The following TENM4 variants were observed in gnomAD, a reference collection of about 807,000 sequenced individuals.
TENM4 encodes the protein teneurin transmembrane protein 4.
A neutral mutation model predicts 243.3 loss-of-function variants in TENM4; 82 were observed. The ratio of observed to expected loss-of-function variants is 0.34; its 90% confidence interval spans 0.28 to 0.40. TENM4 has a LOEUF of 0.40. TENM4 is among the 10% of genes least tolerant of loss of function. TENM4 has a pLI of 1.00. For synonymous variants in TENM4, 1,412 were observed against 1,456.3 expected (o/e 0.97, Z 0.69); for missense variants, 3,138 against 3,673.3 (o/e 0.85, Z 3.77).
intron 1 of TENM4, among the ~76,000 whole-genome samples, chr11:79,309,618 G>A (rs1590869392): frequency 1.3e-5 from 2 of 152,292 alleles, no homozygotes; most frequent in East Asian, 1.9e-4. Flanking sequence ...ATATAAATAC[G>A]AAGATAAGAT....
chr11:78,814,216 C>T (rs1857557879), intron 13 of TENM4, 78 bp downstream of exon 13: 8 of 1,398,188 alleles, frequency 5.7e-6, no homozygotes, highest in Non-Finnish European at 7.8e-6. Flanking sequence ...GGATTCTGCA[C>T]TTGCTCTGAG....
At chr11:78,716,560 G>A (rs927914435) in intron 25 of TENM4, among the ~76,000 whole-genome samples, 3 of 152,148 alleles carry the variant, frequency 2.0e-5, no homozygotes, top group Non-Finnish European at 4.4e-5. Context: ...CATAGGAAAC[G>A]CTCACTGCTA....
intron 1 of TENM4, among the ~76,000 whole-genome samples, chr11:79,372,330 G>T (rs562786471): frequency 1.3e-5 from 2 of 152,226 alleles, no homozygotes; most frequent in African/African-American, 4.8e-5. Flanking sequence ...TGTAATAAGA[G>T]AATCTGCAAG....
At chr11:79,223,085 C>G (rs565765798) in intron 2 of TENM4, among the ~76,000 whole-genome samples, 1 of 151,956 alleles carries the variant, frequency 6.6e-6, no homozygotes. Flanking sequence ...CCATGGCACA[C>G]GTCTACCTGT....
At chr11:78,796,978 T>C (rs770804179) in intron 15 of TENM4, among the ~76,000 whole-genome samples, 1 of 152,248 alleles carries the variant, frequency 6.6e-6, no homozygotes, top group Admixed American at 6.5e-5. Flanking sequence ...GAAACCCTTG[T>C]AGTAATATTA....
rs376091435 is a variant in TENM4, at chr11:79,391,814, C to T, written c.-321+48695G>A. 2.0e-5 allele frequency among the ~76,000 whole-genome samples: 3 copies of T among 152,140 alleles called. No homozygotes were observed. In the East Asian group the frequency reaches 5.8e-4, roughly 29 times the overall value. On this transcript the variant is annotated intron_variant, in intron 1 of 33. Coordinates refer to ENST00000278550, the MANE Select transcript of TENM4 (RefSeq NM_001098816.3). ...TAAAAACAAACCAAATTCTGAAACA[C>T]ACCTCACCCCAAGGGCTTTCAATGA...
chr11:79,396,411 A>T (rs1858345647), intron 1 of TENM4, among the ~76,000 whole-genome samples: 1 of 152,190 alleles, frequency 6.6e-6, no homozygotes, highest in African/African-American at 2.4e-5. Context: ...AGGAGGTAAA[A>T]ATATCACACA....
intron 6 of TENM4, among the ~76,000 whole-genome samples, chr11:78,963,239 C>A (rs1483059592): frequency 1.3e-5 from 2 of 152,196 alleles, no homozygotes; most frequent in East Asian, 3.9e-4. Flanking sequence ...TTCTATCATG[C>A]CACGGTTCTA....
chr11:78,815,385 CA>C (rs11349058), intron 12 of TENM4, among the ~76,000 whole-genome samples: 39,322 of 144,880 alleles, frequency 0.27, 5,839 homozygotes, highest in Non-Finnish European at 0.36. Context: ...GACTGTGTCT[CA>C]AAAAAAAAAA....
At chr11:78,777,745 T>C (rs1856765392) in intron 17 of TENM4, among the ~76,000 whole-genome samples, 1 of 152,184 alleles carries the variant, frequency 6.6e-6, no homozygotes, top group Non-Finnish European at 1.5e-5. Context: ...TGTGTCCCTA[T>C]CTGCAGAGCA....
chr11:78,776,769 A>G (rs936395851), intron 17 of TENM4, among the ~76,000 whole-genome samples: 2 of 152,192 alleles, frequency 1.3e-5, no homozygotes, highest in African/African-American at 4.8e-5. Flanking sequence ...ATATTTTCTG[A>G]ACTGAAGAGC....
chr11:79,406,846 T>G (rs60558638), intron 1 of TENM4, among the ~76,000 whole-genome samples: 1,588 of 152,310 alleles, frequency 0.01, 28 homozygotes, highest in African/African-American at 0.036. Flanking sequence ...TACTCTGATC[T>G]TTCCTTATCA....
At chr11:78,862,386 T>C (rs1858844475) in intron 10 of TENM4, among the ~76,000 whole-genome samples, 1 of 152,214 alleles carries the variant, frequency 6.6e-6, no homozygotes. Context: ...GTGAAATGCT[T>C]TTGGCAAAAA....
At chr11:79,017,948 A>T (rs1168810318) in intron 6 of TENM4, among the ~76,000 whole-genome samples, 1 of 152,136 alleles carries the variant, frequency 6.6e-6, no homozygotes, top group East Asian at 1.9e-4. Context: ...TCCACAAATG[A>T]TGTTAACAGG....
At chr11:79,216,371 G>A (rs142371943) in intron 2 of TENM4, among the ~76,000 whole-genome samples, 158 of 152,322 alleles carry the variant, frequency 1.0e-3, no homozygotes, top group African/African-American at 3.7e-3. Context: ...GCAACATGGG[G>A]CTAAGGTCTA....
intron 6 of TENM4, among the ~76,000 whole-genome samples, chr11:79,044,925 T>C (rs1859622480): frequency 6.6e-6 from 1 of 152,116 alleles, no homozygotes; most frequent in Non-Finnish European, 1.5e-5. Context: ...TTTTTTAAAG[T>C]ATGTTTATTA....
intron 1 of TENM4, among the ~76,000 whole-genome samples, chr11:79,373,527 T>C (rs1590919418): frequency 6.6e-6 from 1 of 151,476 alleles, no homozygotes; most frequent in African/African-American, 2.4e-5. Context: ...GATACATGGG[T>C]GGGTGGGTGG....
At chr11:79,060,393 A>T (rs1306526351) in intron 6 of TENM4, among the ~76,000 whole-genome samples, 1 of 152,262 alleles carries the variant, frequency 6.6e-6, no homozygotes, top group African/African-American at 2.4e-5. Context: ...ACCCCATAAA[A>T]GTTATTATTG....
intron 6 of TENM4, among the ~76,000 whole-genome samples, chr11:78,938,465 G>A (rs1856830332): frequency 1.3e-5 from 2 of 151,996 alleles, no homozygotes; most frequent in Non-Finnish European, 2.9e-5. Context: ...CTAGCACCTG[G>A]CACTAAGTAC....
Sources: allele counts gnomAD v4.1 joint callset (sites outside exome capture counted in the v4.1 genomes callset), GRCh38; gene constraint gnomAD v4.1.1; transcripts MANE v1.5; gene names NCBI Gene and HGNC (gene_info 2026-07-23, HGNC 2026-07-21).